Variants in TTC7A observed in about 807,000 individuals in gnomAD.
TTC7A encodes tetratricopeptide repeat protein 7A.
In TTC7A, 110 loss-of-function variants were observed where a neutral mutation model predicts 103.7. The ratio of observed to expected loss-of-function variants is 1.06; its 90% CI spans 0.91 to 1.24. The LOEUF is 1.24. Among genes scored for constraint, TTC7A ranks in the 50% most tolerant of loss-of-function variants. The pLI, the probability that TTC7A is intolerant of heterozygous loss-of-function variation, is 0.00. For synonymous variants in TTC7A, 521 were observed against 467.9 expected (o/e 1.11, Z -1.47); for missense variants, 1,340 against 1,116.3 (o/e 1.20, Z -2.86).
chr2:46,982,051 C>T (rs1354519531), intron 5 of TTC7A, among the ~76,000 whole-genome samples: 1 of 152,132 alleles, frequency 6.6e-6, no homozygotes, highest in East Asian at 1.9e-4. Flanking sequence ...CAGGCACGCA[C>T]GAGTCCCTAT....
At chr2:46,936,353 C>T (rs1669979293), upstream of TTC7A, among the ~76,000 whole-genome samples, 1 of 137,916 alleles carries the variant, frequency 7.3e-6, no homozygotes, top group African/African-American at 2.7e-5. Context: ...CCTTAGCTGG[C>T]CCAGGGACAA....
chr2:46,995,031 T>A, intron 7 of TTC7A, 105 bp from the exon 8 acceptor site: 1 of 1,032,186 alleles, frequency 9.7e-7, no homozygotes, highest in Non-Finnish European at 1.5e-6. Flanking sequence ...GAGGTCACCT[T>A]ACCGAGCTGG....
rs981131782 is a variant in TTC7A at position 47,007,042 on chromosome 2, G to T, written c.1287+318G>T. Among the ~76,000 whole-genome samples, 1 of 152,174 alleles carries T rather than the reference G, an allele frequency of 6.6e-6. No individual in the cohort carries two copies. Among genetic ancestry groups the T allele is most frequent in the Admixed American group, 6.5e-5 (1 of 15,290 alleles). On this transcript the variant is annotated intron_variant, in intron 10 of 19. Coordinates refer to ENST00000319190, the MANE Select transcript of TTC7A (RefSeq NM_020458.4). This position sits in a 1 kb window ranked among gnomAD's most constrained non-coding sequence, Gnocchi z 4.9. Reference sequence around the variant, plus strand: ...TGACTGCATGTGGTGGATATGAGGTGCATCCAGGTGAGTGAACATTGTTCC... The same window carrying T: ...TGACTGCATGTGGTGGATATGAGGTTCATCCAGGTGAGTGAACATTGTTCC...
intron 5 of TTC7A, among the ~76,000 whole-genome samples, chr2:46,983,852 C>A (rs1008439747): frequency 6.6e-6 from 1 of 152,164 alleles, no homozygotes; most frequent in African/African-American, 2.4e-5. Context: ...AGGAGTCCTC[C>A]CTCCCTCCCA....
At chr2:46,959,238 A>G (rs1672167615) in intron 3 of TTC7A, among the ~76,000 whole-genome samples, 1 of 152,180 alleles carries the variant, frequency 6.6e-6, no homozygotes, top group Admixed American at 6.5e-5. Flanking sequence ...ATCAGTTAGC[A>G]TGTATTTGAA....
rs1670360326 is a variant in TTC7A, at chr2:46,941,416, G to T, written c.-126G>T. 9.7e-7 allele frequency: 1 copy of T among 1,033,526 alleles called. No homozygotes were observed. The highest frequency in any genetic ancestry group is 1.2e-6 in the Non-Finnish European group (1 of 814,958). The allele number at this position is 1,033,526 out of a possible 1,614,324, so 64.0% of individuals were successfully genotyped here. A position where few individuals can be genotyped will look rare whatever the true frequency, so the allele number is the denominator to read the frequency against. On this transcript the variant is annotated 5_prime_UTR_variant, in exon 1 of 20. Transcript: ENST00000319190. This position sits in a 1 kb window ranked among gnomAD's most constrained non-coding sequence, Gnocchi z 4.2. Reference sequence around the variant, plus strand: ...CTCCGCCGCCCGGGCCCCCGCTGCCGCCCGGGCCCCGGCTGCCGTCTGCGC... The same window carrying T: ...CTCCGCCGCCCGGGCCCCCGCTGCCTCCCGGGCCCCGGCTGCCGTCTGCGC...
At chr2:46,966,900 G>GTTT (rs70940650) in intron 3 of TTC7A, among the ~76,000 whole-genome samples, 10 of 143,874 alleles carry the variant, frequency 7.0e-5, no homozygotes, top group African/African-American at 1.5e-4. Context: ...TGTGTTTTTT[G>GTTT]TTTTTTTTTT....
intron 5 of TTC7A, among the ~76,000 whole-genome samples, chr2:46,980,843 A>G (rs1371838862): frequency 6.6e-6 from 1 of 152,216 alleles, no homozygotes; most frequent in East Asian, 1.9e-4. Flanking sequence ...TTGCCAGAGC[A>G]GCTCATGGAA....
intron 3 of TTC7A, among the ~76,000 whole-genome samples, chr2:46,968,470 G>C (rs889403825): frequency 1.3e-5 from 2 of 152,200 alleles, no homozygotes; most frequent in African/African-American, 4.8e-5. Context: ...CAGCACCTGG[G>C]TGGGCTTCCA....
intron 15 of TTC7A, among the ~76,000 whole-genome samples, chr2:47,031,905 C>T (rs925061436): frequency 1.8e-4 from 28 of 152,234 alleles, no homozygotes; most frequent in Admixed American, 1.6e-3. Context: ...GGGACCCACT[C>T]GTGGCTCCCC....
At chr2:46,988,579 A>G (rs1466333154) in intron 5 of TTC7A, among the ~76,000 whole-genome samples, 3 of 152,202 alleles carry the variant, frequency 2.0e-5, no homozygotes, top group African/African-American at 7.2e-5. Context: ...TCTCTGTTTC[A>G]GCTCAAACCC....
chr2:47,028,685 G>A (rs1680184571), intron 14 of TTC7A, among the ~76,000 whole-genome samples: 1 of 152,162 alleles, frequency 6.6e-6, no homozygotes, highest in Non-Finnish European at 1.5e-5. Flanking sequence ...CCAGAACCAG[G>A]CTTAATAAAT....
At chr2:46,972,958 A>T (rs1382717557) in intron 3 of TTC7A, among the ~76,000 whole-genome samples, 1 of 152,218 alleles carries the variant, frequency 6.6e-6, no homozygotes, top group African/African-American at 2.4e-5. Flanking sequence ...AACAACTGGA[A>T]ATGTAACCAA....
At chr2:46,940,761 G>C (rs1051877446), upstream of TTC7A, among the ~76,000 whole-genome samples, 1 of 152,202 alleles carries the variant, frequency 6.6e-6, no homozygotes, top group Non-Finnish European at 1.5e-5. The surrounding 1 kb of genome is among the most constrained non-coding windows in gnomAD (Gnocchi z 4.7). Flanking sequence ...CTGGGTCCTC[G>C]CGAGCATGCC....
intron 14 of TTC7A, among the ~76,000 whole-genome samples, chr2:47,025,664 G>C (rs1349435687): frequency 6.6e-6 from 1 of 152,152 alleles, no homozygotes; most frequent in African/African-American, 2.4e-5. Flanking sequence ...AGGTTCTTCT[G>C]TCTCAACCAT....
At chr2:47,022,292 C>A (rs1679378213) in intron 12 of TTC7A, among the ~76,000 whole-genome samples, 1 of 152,236 alleles carries the variant, frequency 6.6e-6, no homozygotes, top group South Asian at 2.1e-4. Context: ...TGTGGAACTC[C>A]TGCTTCCTGT....
chr2:46,916,075 G>A, upstream of TTC7A: 5 of 985,538 alleles, frequency 5.1e-6, no homozygotes, highest in Non-Finnish European at 6.0e-6. Context: ...GAAGCCCTCA[G>A]GAACGTAGTT....
Position 46,950,362 on chromosome 2 carries a change from G to T in TTC7A, c.185-1G>T, listed in dbSNP as rs1462399435. The T allele has an allele frequency of 1.2e-6, 2 of 1,613,934 alleles. No individual in the cohort carries two copies. Among genetic ancestry groups the T allele is most frequent in the Non-Finnish European group, 1.7e-6 (2 of 1,179,970 alleles). On this transcript the variant is annotated splice_acceptor_variant, in intron 1 of 19. Coordinates refer to ENST00000319190, the MANE Select transcript of TTC7A (RefSeq NM_020458.4). LOFTEE classifies it high-confidence loss of function. ...GCTCTGACCCCTACTTTGCTTTTCA[G>T]ATGACTTTGGGAAATTGCTGCTGGC...
intron 3 of TTC7A, among the ~76,000 whole-genome samples, chr2:46,957,949 A>C (rs1672030445): frequency 1.3e-5 from 2 of 152,090 alleles, no homozygotes; most frequent in African/African-American, 4.8e-5. Flanking sequence ...GGACATTCTC[A>C]CTATCTTGTG....
Sources: allele counts gnomAD v4.1 joint callset (sites outside exome capture counted in the v4.1 genomes callset), GRCh38; gene constraint gnomAD v4.1.1; non-coding constraint Gnocchi (gnomAD v3.1); transcripts MANE v1.5; gene names NCBI Gene and HGNC (gene_info 2026-07-23, HGNC 2026-07-21).